SUGCT: variants seen among roughly 807,000 people sequenced by gnomAD.
The protein encoded by SUGCT is succinyl-CoA:glutarate-CoA transferase.
A neutral mutation model predicts 55.0 loss-of-function variants in SUGCT; 41 were observed. The ratio of observed to expected loss-of-function variants is 0.74; its 90% CI spans 0.58 to 0.97. SUGCT has a LOEUF of 0.97. Among genes scored for constraint, SUGCT ranks in the 50% least tolerant of loss-of-function variants. The pLI, the probability that SUGCT is intolerant of heterozygous loss-of-function variation, is 0.00. For synonymous variants in SUGCT, 187 were observed against 200.4 expected (o/e 0.93, Z 0.56); for missense variants, 568 against 547.8 (o/e 1.04, Z -0.37).
chr7:40,991,987 T>G, the SUGCT span, among the ~76,000 whole-genome samples: 1 of 151,938 alleles, frequency 6.6e-6, no homozygotes, highest in Admixed American at 6.6e-5. Flanking sequence ...AATTCTTTCT[T>G]GCTGCAAGAA....
At chr7:40,312,288 GCCT>G (rs1487901710) in intron 8 of SUGCT, among the ~76,000 whole-genome samples, 1 of 152,042 alleles carries the variant, frequency 6.6e-6, no homozygotes, top group East Asian at 1.9e-4. Flanking sequence ...TGATCCACCT[GCCT>G]CAGCCTCCCA....
At chr7:40,156,861 C>G (rs1044046314) in intron 1 of SUGCT, among the ~76,000 whole-genome samples, 8 of 151,938 alleles carry the variant, frequency 5.3e-5, no homozygotes, top group African/African-American at 1.9e-4. Context: ...ACTAAAAATA[C>G]AGAAATTAGC....
intron 12 of SUGCT, among the ~76,000 whole-genome samples, chr7:40,601,242 G>C (rs1162816036): frequency 6.6e-6 from 1 of 152,148 alleles, no homozygotes; most frequent in East Asian, 1.9e-4. Context: ...TGGCATTGGG[G>C]TGTACAATCT....
intron 13 of SUGCT, among the ~76,000 whole-genome samples, chr7:40,805,344 GC>G (rs1017519765): frequency 2.6e-5 from 4 of 151,954 alleles, no homozygotes; most frequent in African/African-American, 9.7e-5. Flanking sequence ...GCCAAATTCT[GC>G]CCCCCGGAAG....
chr7:40,403,285 CAATA>C (rs1484284388), intron 9 of SUGCT, among the ~76,000 whole-genome samples: 2 of 152,104 alleles, frequency 1.3e-5, no homozygotes, highest in Non-Finnish European at 2.9e-5. Context: ...TACAATCTGT[CAATA>C]AATAGAGAGT....
chr7:40,516,848 G>A (rs1793263055), intron 12 of SUGCT, among the ~76,000 whole-genome samples: 1 of 151,680 alleles, frequency 6.6e-6, no homozygotes, highest in Admixed American at 6.6e-5. Context: ...GGAAAACCTT[G>A]GCAATTTCTT....
At chr7:40,463,618 C>T (rs1039830649) in intron 11 of SUGCT, among the ~76,000 whole-genome samples, 8 of 152,144 alleles carry the variant, frequency 5.3e-5, no homozygotes, top group African/African-American at 1.4e-4. Context: ...TCTCTGAGGG[C>T]GATCAGCCTC....
rs554964073 is a variant in SUGCT, at chr7:40,349,302, T to C, written c.816+32447T>C. On this transcript the variant is annotated intron_variant, in intron 9 of 13. Transcript: ENST00000335693. ...CTATGTCTCTTGATTTTTCCTTCCCTTTTGATACATTTGATTTGGCCATTG... is the reference window on the plus strand; with the variant it reads ...CTATGTCTCTTGATTTTTCCTTCCCCTTTGATACATTTGATTTGGCCATTG... Among the ~76,000 whole-genome samples, 9 of 152,300 alleles carry C rather than the reference T, an allele frequency of 5.9e-5. No homozygotes were observed. The South Asian group carries it at 1.9e-3, about 32-fold the overall frequency.
chr7:40,290,659 T>C (rs936904329), intron 8 of SUGCT, among the ~76,000 whole-genome samples: 1 of 151,932 alleles, frequency 6.6e-6, no homozygotes, highest in Non-Finnish European at 1.5e-5. Flanking sequence ...ACAAATGGGA[T>C]CTAATTAAAC....
chr7:40,804,441 G>A (rs1790982812), intron 13 of SUGCT, among the ~76,000 whole-genome samples: 1 of 152,062 alleles, frequency 6.6e-6, no homozygotes, highest in African/African-American at 2.4e-5. Context: ...GATAATATGA[G>A]CTTTAAGAGG....
chr7:40,251,984 G>A (rs1022746620), intron 7 of SUGCT, among the ~76,000 whole-genome samples: 10 of 151,828 alleles, frequency 6.6e-5, no homozygotes, highest in African/African-American at 2.4e-4. Context: ...AGAAAAAAAT[G>A]TGTTGGTAGA....
In SUGCT at chr7:40,186,082, T is replaced by TTC. The variant is rs1785485787; in HGVS notation, c.227-2413_227-2412insTC. Among the ~76,000 whole-genome samples, 44 of 140,442 alleles carry TTC rather than the reference T, an allele frequency of 3.1e-4. No individual in the cohort carries two copies. The South Asian group carries it at 8.9e-3, about 28-fold the overall frequency. 92.1% of individuals were successfully genotyped at this position (140,442 alleles called of 152,430 possible). ...GGTTGTTGTTTTCTTTCTTTCTTTC[T>TTC]CTCTTTTTCTTCCTTCCTTCCTTCC... On this transcript the variant is annotated intron_variant, in intron 3 of 13. Transcript: ENST00000335693.
intron 11 of SUGCT, among the ~76,000 whole-genome samples, chr7:40,494,393 C>A (rs1562816332): frequency 6.6e-6 from 1 of 152,060 alleles, no homozygotes; most frequent in African/African-American, 2.4e-5. Flanking sequence ...AGGCCTTGGC[C>A]AGGAGATGAC....
intron 13 of SUGCT, among the ~76,000 whole-genome samples, chr7:40,858,796 G>A (rs1794334253): frequency 6.6e-6 from 1 of 152,162 alleles, no homozygotes; most frequent in Non-Finnish European, 1.5e-5. Context: ...AGAAGAAAAC[G>A]ATGAATGTCA....
the SUGCT span, among the ~76,000 whole-genome samples, chr7:40,897,303 T>G: frequency 6.6e-6 from 1 of 152,202 alleles, no homozygotes; most frequent in African/African-American, 2.4e-5. Context: ...AAAGACTTTT[T>G]TGGATATGAC....
chr7:40,843,880 A>C (rs1200792869), intron 13 of SUGCT, among the ~76,000 whole-genome samples: 1 of 152,184 alleles, frequency 6.6e-6, no homozygotes, highest in East Asian at 1.9e-4. Flanking sequence ...TTGAGAATAC[A>C]CTGAAGGAAA....
At chr7:40,304,473 A>G (rs1407876457) in intron 8 of SUGCT, among the ~76,000 whole-genome samples, 1 of 151,028 alleles carries the variant, frequency 6.6e-6, no homozygotes, top group African/African-American at 2.4e-5. Context: ...TTGGGGGAAC[A>G]GGTGTGTTTG....
chr7:40,516,406 A>G (rs1793234886), intron 12 of SUGCT, among the ~76,000 whole-genome samples: 1 of 152,208 alleles, frequency 6.6e-6, no homozygotes, highest in Non-Finnish European at 1.5e-5. Context: ...ATATCCAAGA[A>G]ACTATTGCCT....
chr7:40,745,701 A>C (rs2128708334), intron 12 of SUGCT, among the ~76,000 whole-genome samples: 1 of 152,336 alleles, frequency 6.6e-6, no homozygotes. Flanking sequence ...GAAGGATAAA[A>C]TAAGTAAAAT....
Sources: allele counts gnomAD v4.1 joint callset (sites outside exome capture counted in the v4.1 genomes callset), GRCh38; gene constraint gnomAD v4.1.1; transcripts MANE v1.5; gene names NCBI Gene and HGNC (gene_info 2026-07-23, HGNC 2026-07-21).